LIFR: variants seen among roughly 807,000 people sequenced by gnomAD.
LIFR encodes LIF receptor subunit alpha.
A neutral mutation model predicts 122.2 loss-of-function variants in LIFR; 84 were observed. The ratio of observed to expected loss-of-function variants is 0.69; its 90% CI spans 0.58 to 0.82. LIFR has a LOEUF of 0.82. Among genes scored for constraint, LIFR ranks in the 40% least tolerant of loss-of-function variants. The probability of loss-of-function intolerance (pLI) is 0.00; values close to 1 mark genes in which losing one functional copy is unlikely to be tolerated. For missense variants in LIFR, 1,294 were observed against 1,311.6 expected, an observed-to-expected ratio of 0.99 and a Z score of 0.21; for synonymous variants, 422 against 434.7, an observed-to-expected ratio of 0.97 and a Z score of 0.36.
At chr5:38,505,848 A>G in intron 9 of LIFR, 57 bp downstream of exon 9, 1 of 1,180,924 alleles carries the variant, frequency 8.5e-7, no homozygotes, top group South Asian at 1.6e-5. Flanking sequence ...ATTTTTCATT[A>G]AAGCATTTCA....
At chr5:38,560,885 C>T (rs972448604), upstream of LIFR, among the ~76,000 whole-genome samples, 3 of 152,132 alleles carry the variant, frequency 2.0e-5, no homozygotes, top group Admixed American at 2.0e-4. Context: ...CATGAGCCAC[C>T]ACGCCCAGCC....
rs746397347 is a variant in LIFR, at chr5:38,477,346, T to G, written c.*4249A>C. On this transcript the variant is annotated 3_prime_UTR_variant, in exon 20 of 20. Coordinates refer to ENST00000453190, the MANE Select transcript of LIFR (RefSeq NM_001127671.2). Reference sequence around the variant, plus strand: ...TTTGGCCATAAATCATTTTCTTCTATGAAAATTTTCTTCTAGAATAAATAA... The same window carrying G: ...TTTGGCCATAAATCATTTTCTTCTAGGAAAATTTTCTTCTAGAATAAATAA... The G allele has an allele frequency of 4.6e-6, 1 of 215,354 alleles. No individual in the cohort carries two copies. The allele number at this position is 215,354 out of a possible 1,614,324, so 13.3% of individuals were successfully genotyped here.
At chr5:38,588,664 G>C (rs915146543) in intron 1 of LIFR, among the ~76,000 whole-genome samples, 84 of 152,078 alleles carry the variant, frequency 5.5e-4, no homozygotes, top group African/African-American at 2.0e-3. Flanking sequence ...TTAGGTCTTT[G>C]AATGTCTTTT....
In LIFR at chr5:38,482,098, C is replaced by T. The variant is rs749594956; in HGVS notation, c.2791G>A (p.Glu931Lys). 6.3e-7 allele frequency: 1 copy of T among 1,592,940 alleles called. No homozygotes were observed. Among genetic ancestry groups the T allele is most frequent in the South Asian group, 1.2e-5 (1 of 86,730 alleles). Residue 931 changes from glutamate (E) to lysine (K), a missense_variant, in exon 20 of 20, where the codon GAG becomes AAG. Transcript: ENST00000453190. ...GCATCAGAGCGATCTTCAGGACGCT[C>T]AGCTACTGGGGAAATTATTTCTGTA... is the stretch of plus-strand genomic sequence containing the variant. The part of the protein sequence containing the change: ...EDTEIISPVA[E>K]RPEDRSDAEP...
At chr5:38,486,850 T>C (rs915859885) in intron 16 of LIFR, among the ~76,000 whole-genome samples, 2 of 152,202 alleles carry the variant, frequency 1.3e-5, no homozygotes, top group Non-Finnish European at 2.9e-5. Context: ...ACATCGGAAC[T>C]TTTGATGAAT....
At chr5:38,516,104 A>G (rs766690225) in intron 5 of LIFR, among the ~76,000 whole-genome samples, 1 of 152,160 alleles carries the variant, frequency 6.6e-6, no homozygotes, top group Non-Finnish European at 1.5e-5. Context: ...TTATTTTCCC[A>G]AATTTTTTCC....
rs764929391 is a variant in LIFR at position 38,482,043 on chromosome 5, T to C, written c.2846A>G (p.Tyr949Cys). ...TTCTTCCTCAATGATGGGTGGACAATAGGACACAACCACATGGTTTTCAGG... is the reference window on the plus strand; with the variant it reads ...TTCTTCCTCAATGATGGGTGGACAACAGGACACAACCACATGGTTTTCAGG... ...AEPENHVVVSYCPPIIEEEIP... is the reference protein window; with the variant it reads ...AEPENHVVVSCCPPIIEEEIP... Residue 949 changes from tyrosine to cysteine, a missense_variant, in exon 20 of 20, where the codon TAT becomes TGT. By Grantham distance (194) the Tyr-to-Cys change is radical. Coordinates refer to ENST00000453190, the MANE Select transcript of LIFR (RefSeq NM_001127671.2). 8 of 1,613,538 alleles carry C rather than the reference T, an allele frequency of 5.0e-6. No individual in the cohort carries two copies. Among genetic ancestry groups the C allele is most frequent in the East Asian group, 4.5e-5 (2 of 44,874 alleles).
intron 1 of LIFR, chr5:38,550,250 T>C (rs566631807): frequency 1.0e-6 from 1 of 977,042 alleles, no homozygotes; most frequent in East Asian, 1.1e-4. Context: ...CATATCCCCA[T>C]ATGGCCATAA....
intron 1 of LIFR, among the ~76,000 whole-genome samples, chr5:38,594,725 TGAC>T (rs1750041638): frequency 6.6e-6 from 1 of 152,192 alleles, no homozygotes; most frequent in Non-Finnish European, 1.5e-5. Context: ...ACATACACAA[TGAC>T]ATGACAATAA....
intron 5 of LIFR, among the ~76,000 whole-genome samples, chr5:38,521,474 G>A (rs897115177): frequency 6.6e-5 from 10 of 152,166 alleles, no homozygotes; most frequent in Non-Finnish European, 1.0e-4. Context: ...TAAGAGTGGC[G>A]TAAGTGGTCC....
intron 5 of LIFR, among the ~76,000 whole-genome samples, chr5:38,519,556 C>T (rs1746291439): frequency 6.6e-6 from 1 of 152,110 alleles, no homozygotes; most frequent in Non-Finnish European, 1.5e-5. Context: ...GAACTTATAT[C>T]TTCTATCTAA....
At position 38,477,821 on chromosome 5, in the gene LIFR, C is replaced by A. The variant is rs1356792926; in HGVS notation, c.*3774G>T. ...TTCACGATGTGCCTAGTCTTTGTAG[C>A]TAATAATCCCACATTTTACTCTGAG... is the stretch of plus-strand genomic sequence containing the variant. On this transcript the variant is annotated 3_prime_UTR_variant, in exon 20 of 20. Transcript: ENST00000453190. The A allele has an allele frequency of 4.6e-6, 1 of 216,780 alleles. No homozygotes were observed. 13.4% of individuals were successfully genotyped at this position (216,780 alleles called of 1,614,324 possible).
intron 1 of LIFR, among the ~76,000 whole-genome samples, chr5:38,567,272 G>A (rs1459651943): frequency 2.6e-5 from 4 of 152,132 alleles, no homozygotes; most frequent in African/African-American, 9.7e-5. Context: ...TAGCAGAGCT[G>A]AGAGATGGAG....
In LIFR at chr5:38,543,296, C is replaced by T. The variant is rs906609924; in HGVS notation, c.-19-12630G>A. 7.9e-5 allele frequency among the ~76,000 whole-genome samples: 12 copies of T among 152,120 alleles called. 1 individual carries two copies. The South Asian group carries it at 2.3e-3, about 29-fold the overall frequency. On this transcript the variant is annotated intron_variant, in intron 1 of 19. Coordinates refer to ENST00000453190, the MANE Select transcript of LIFR (RefSeq NM_001127671.2). ...GCACTTAACCTGTACTCTCTCAACC[C>T]TCCAAAGAGGTTTGGTATTTTTCAC...
At position 38,477,157 on chromosome 5, in the gene LIFR, T is replaced by C. The variant is rs886060613; in HGVS notation, c.*4438A>G. ...ACCATGTAATAATTAATAGCACTAA[T>C]TGAAAAGGAATAAAAAAATCTAACC... On this transcript the variant is annotated 3_prime_UTR_variant, in exon 20 of 20. Transcript: ENST00000453190. 8 of 220,892 alleles carry C rather than the reference T, an allele frequency of 3.6e-5. No individual in the cohort carries two copies. The highest frequency in any genetic ancestry group is 2.7e-5 in the Non-Finnish European group (3 of 110,346). The allele number at this position is 220,892 out of a possible 1,614,324, so 13.7% of individuals were successfully genotyped here.
At chr5:38,608,209 C>G (rs1247694053) in exon 1 of LIFR, 1 of 152,070 alleles carries the variant, frequency 6.6e-6, no homozygotes, top group African/African-American at 2.4e-5. Context: ...AGTTGAATTT[C>G]TATTCAATAT....
chr5:38,504,351 C>G (rs1026105894), intron 9 of LIFR, among the ~76,000 whole-genome samples: 22 of 140,154 alleles, frequency 1.6e-4, no homozygotes, highest in Admixed American at 6.3e-4. Context: ...GTCAGGAATA[C>G]TCAAAGGTAG....
chr5:38,482,181 C>A lies in LIFR; in HGVS notation c.2708G>T (p.Cys903Phe). Reference sequence around the variant, plus strand: ...CAGAACCTCAACATTATTTGGGGTACAAGGATTCATTTCCAATGTTTTAAG... The same window carrying A: ...CAGAACCTCAACATTATTTGGGGTAAAAGGATTCATTTCCAATGTTTTAAG... ...SALKTLEMNP[C>F]TPNNVEVLET... The change falls in exon 20 of 20, where the codon TGT becomes TTT. Residue 903 changes from cysteine (C) to phenylalanine (F), a missense_variant. By Grantham distance (205) the Cys-to-Phe change is radical. Coordinates refer to ENST00000453190, the MANE Select transcript of LIFR (RefSeq NM_001127671.2). The A allele has an allele frequency of 6.3e-7, 1 of 1,596,082 alleles. No individual in the cohort carries two copies.
chr5:38,556,030 T>G (rs1371421412), intron 1 of LIFR, among the ~76,000 whole-genome samples: 3 of 152,130 alleles, frequency 2.0e-5, no homozygotes, highest in Admixed American at 6.5e-5. Flanking sequence ...AGGTCACCTC[T>G]CCGAAGGAAA....
Sources: allele counts gnomAD v4.1 joint callset (sites outside exome capture counted in the v4.1 genomes callset), GRCh38; gene constraint gnomAD v4.1.1; transcripts MANE v1.5; gene names NCBI Gene and HGNC (gene_info 2026-07-23, HGNC 2026-07-21).